The following GPR180 variants were observed in gnomAD, a reference collection of about 807,000 sequenced individuals.
GPR180 encodes the protein G protein-coupled receptor 180, also known as integral membrane protein GPR180.
Under a neutral mutation model 52.6 loss-of-function variants are expected in GPR180, and 53 were observed. That is an observed-to-expected ratio of 1.01 (90% CI 0.81 to 1.27). The LOEUF (loss-of-function observed/expected upper bound fraction) is 1.27, where lower values mean the gene tolerates loss of function less well. Among genes scored for constraint, GPR180 ranks in the 50% most tolerant of loss-of-function variants. The pLI is 0.00. For synonymous variants in GPR180, 200 were observed against 193.1 expected (o/e 1.04, Z -0.30); for missense variants, 533 against 527.0 (o/e 1.01, Z -0.11).
Position 94,634,278 on chromosome 13 carries a change from T to C in GPR180, c.*7107T>C, listed in dbSNP as rs1048191416. On this transcript the variant is annotated 3_prime_UTR_variant, in exon 9 of 9. Transcript: ENST00000376958. ...AGTGTTAAACCCACAGGTGGTAGCA[T>C]GACATTGACTCCTCAGCCAAGCATA... is the stretch of plus-strand genomic sequence containing the variant. 2 of 152,140 alleles carry C rather than the reference T, an allele frequency of 1.3e-5. No individual in the cohort carries two copies. The highest frequency in any genetic ancestry group is 4.8e-5 in the African/African-American group (2 of 41,426). The allele number at this position is 152,140 out of a possible 1,614,324, so 9.4% of individuals were successfully genotyped here.
In GPR180 at chr13:94,619,449, CTCT is replaced by C; in HGVS notation, c.687-13_687-11del. On this transcript the variant is annotated splice_polypyrimidine_tract_variant and intron_variant, in intron 4 of 8. Coordinates refer to ENST00000376958, the MANE Select transcript of GPR180 (RefSeq NM_180989.6). ...TTTTTCACATTTGTAATTTACACTA[CTCT>C]TCTTCAATTCCTCAGTTACTCCAAA... is the stretch of plus-strand genomic sequence containing the variant. The C allele has an allele frequency of 3.1e-6, 5 of 1,609,886 alleles. No individual in the cohort carries two copies. The highest frequency in any genetic ancestry group is 4.2e-6 in the Non-Finnish European group (5 of 1,177,598).
chr13:94,620,255 CTT>C (rs1305036756), intron 5 of GPR180, among the ~76,000 whole-genome samples: 1 of 152,164 alleles, frequency 6.6e-6, no homozygotes, highest in Non-Finnish European at 1.5e-5. Flanking sequence ...ATAACTGACT[CTT>C]TTCTATTTCT....
chr13:94,619,280 A>G lies in GPR180; in HGVS notation c.636A>G (p.Ala212=), dbSNP rs376050069. ...TGATTTTAAAGGTTCTGACAACTGC[A>G]TTGCTGTTACAAGCTGGTTCAGCTT... ...MHMILKVLTT[A]LLLQAGSALA... is the part of the protein sequence containing the mutation. The change falls in exon 4 of 9, where the codon GCA becomes GCG. Residue 212 remains alanine (A), a synonymous_variant. Coordinates refer to ENST00000376958, the MANE Select transcript of GPR180 (RefSeq NM_180989.6). The G allele has an allele frequency of 9.3e-6, 15 of 1,614,052 alleles. No individual in the cohort carries two copies. The highest frequency in any genetic ancestry group is 1.3e-5 in the Non-Finnish European group (15 of 1,180,034).
chr13:94,606,968 C>T (rs1352560329), intron 2 of GPR180, among the ~76,000 whole-genome samples: 1 of 152,224 alleles, frequency 6.6e-6, no homozygotes, highest in East Asian at 1.9e-4. Flanking sequence ...AAGTGTTGCA[C>T]ATATGTGTAA....
intron 2 of GPR180, among the ~76,000 whole-genome samples, chr13:94,606,135 T>C (rs1209958225): frequency 6.6e-6 from 1 of 152,036 alleles, no homozygotes; most frequent in Non-Finnish European, 1.5e-5. Flanking sequence ...CTACTAAAAA[T>C]ACAGAAAAAA....
intron 3 of GPR180, among the ~76,000 whole-genome samples, chr13:94,618,346 C>T (rs1178814990): frequency 6.7e-6 from 1 of 149,578 alleles, no homozygotes; most frequent in East Asian, 1.9e-4. Flanking sequence ...TGGCCCCTTG[C>T]ATTGGTAGCC....
chr13:94,619,145 C>G lies in GPR180; in HGVS notation c.506-5C>G. On this transcript the variant is annotated splice_polypyrimidine_tract_variant and splice_region_variant and intron_variant, in intron 3 of 8. Coordinates refer to ENST00000376958, the MANE Select transcript of GPR180 (RefSeq NM_180989.6). ...TGAAGCAAACTCCCTTTCTTCTCTT[C>G]ACAGGGTTACATGAGTTCTTTTTCC... The G allele has an allele frequency of 2.5e-6, 4 of 1,609,850 alleles. No individual in the cohort carries two copies. The highest frequency in any genetic ancestry group is 3.4e-6 in the Non-Finnish European group (4 of 1,177,906).
At chr13:94,614,377 T>C (rs1445702933) in intron 3 of GPR180, among the ~76,000 whole-genome samples, 1 of 152,208 alleles carries the variant, frequency 6.6e-6, no homozygotes, top group East Asian at 1.9e-4. Context: ...ATGTATTGAG[T>C]AGATCCATGA....
chr13:94,612,383 A>C lies in GPR180; in HGVS notation c.498A>C (p.Gly166=), dbSNP rs1333138669. Residue 166 remains glycine (G), a synonymous_variant, in exon 3 of 9, where the codon GGA becomes GGC. Coordinates refer to ENST00000376958, the MANE Select transcript of GPR180 (RefSeq NM_180989.6). ...ATCCATTTGATCATTTTAGTGCTGG[A>C]GAATCTGGTAAGAATATGTATTTGA... ...EGNPFDHFSA[G]ESGLHEFFFL... 6 of 1,601,086 alleles carry C rather than the reference A, an allele frequency of 3.7e-6. No individual in the cohort carries two copies. Among genetic ancestry groups the C allele is most frequent in the Non-Finnish European group, 5.1e-6 (6 of 1,168,082 alleles).
intron 5 of GPR180, among the ~76,000 whole-genome samples, chr13:94,620,566 T>A (rs1454400082): frequency 6.6e-6 from 1 of 152,194 alleles, no homozygotes; most frequent in African/African-American, 2.4e-5. Context: ...AATGTTTGGA[T>A]GTTATGGGAG....
At chr13:94,624,718 A>G (rs973208858) in intron 7 of GPR180, among the ~76,000 whole-genome samples, 13 of 151,758 alleles carry the variant, frequency 8.6e-5, no homozygotes, top group Admixed American at 6.6e-5. Context: ...AAGTTTTTGT[A>G]TTTTTAGTAG....
At chr13:94,605,353 A>G in intron 1 of GPR180, 38 bp from the exon 2 acceptor site, 1 of 1,609,934 alleles carries the variant, frequency 6.2e-7, no homozygotes, top group Non-Finnish European at 8.5e-7. Context: ...GTTTCATGTA[A>G]GACCAAACTA....
In GPR180 at chr13:94,627,082, C is replaced by T; in HGVS notation, c.1234C>T (p.His412Tyr). ...MVILYRLFLS[H>Y]SLYWEVSSLS... ...TATTCTCTACAGACTCTTTCTGTCT[C>T]ACAGTCTATACTGGGAAGTTTCTTC... Residue 412 changes from histidine to tyrosine, a missense_variant, in exon 9 of 9, where the codon CAC becomes TAC. Coordinates refer to ENST00000376958, the MANE Select transcript of GPR180 (RefSeq NM_180989.6). The T allele has an allele frequency of 6.2e-7, 1 of 1,611,582 alleles. No individual in the cohort carries two copies. Among genetic ancestry groups the T allele is most frequent in the Non-Finnish European group, 8.5e-7 (1 of 1,178,058 alleles).
At chr13:94,612,935 T>C (rs1889729447) in intron 3 of GPR180, among the ~76,000 whole-genome samples, 2 of 152,176 alleles carry the variant, frequency 1.3e-5, no homozygotes, top group Admixed American at 6.5e-5. Context: ...TTAGGGATGA[T>C]CAGAGTCCAT....
intron 1 of GPR180, among the ~76,000 whole-genome samples, chr13:94,603,964 G>A (rs1275921321): frequency 2.6e-5 from 4 of 152,112 alleles, no homozygotes; most frequent in Non-Finnish European, 5.9e-5. Context: ...AGCCAGACTC[G>A]TTGGGTGGCT....
At chr13:94,614,161 A>AC (rs1407568234) in intron 3 of GPR180, among the ~76,000 whole-genome samples, 1 of 152,148 alleles carries the variant, frequency 6.6e-6, no homozygotes, top group African/African-American at 2.4e-5. Flanking sequence ...GAGCCACCGC[A>AC]CACAGCCTTC....
Position 94,618,420 on chromosome 13 carries a change from A to ATTTTTTTTTTTTTTTTTTT in GPR180, c.506-725_506-707dup, listed in dbSNP as rs570807308. ...CATGGAGTCGCATGATCAGCACAGG[A>ATTTTTTTTTTTTTTTTTTT]TTTTTTTTTTTTTTTTTTTTTTTGG... is the stretch of plus-strand genomic sequence containing the variant. On this transcript the variant is annotated intron_variant, in intron 3 of 8. Coordinates refer to ENST00000376958, the MANE Select transcript of GPR180 (RefSeq NM_180989.6). Among the ~76,000 whole-genome samples, 153 of 87,118 alleles carry ATTTTTTTTTTTTTTTTTTT rather than the reference A, an allele frequency of 1.8e-3. 31 individuals carry two copies. The highest frequency in any genetic ancestry group is 4.3e-3 in the African/African-American group (68 of 15,828). 57.2% of individuals were successfully genotyped at this position (87,118 alleles called of 152,430 possible). A position where few individuals can be genotyped will look rare whatever the true frequency, so the allele number is the denominator to read the frequency against.
At chr13:94,624,026 G>A (rs1483619410) in intron 7 of GPR180, among the ~76,000 whole-genome samples, 1 of 152,232 alleles carries the variant, frequency 6.6e-6, no homozygotes, top group African/African-American at 2.4e-5. Context: ...AGCATAAGCA[G>A]CTGGAGCCAG....
At chr13:94,624,065 C>T in intron 7 of GPR180, among the ~76,000 whole-genome samples, 1 of 152,194 alleles carries the variant, frequency 6.6e-6, no homozygotes, top group East Asian at 1.9e-4. Context: ...TTCAGCCAGC[C>T]TCACCCCATC....
Sources: allele counts gnomAD v4.1 joint callset (sites outside exome capture counted in the v4.1 genomes callset), GRCh38; gene constraint gnomAD v4.1.1; transcripts MANE v1.5; gene names NCBI Gene and HGNC (gene_info 2026-07-23, HGNC 2026-07-21).